Variants in MGAM2 observed in about 807,000 individuals in gnomAD.
The protein encoded by MGAM2 is maltase-glucoamylase 2 (putative).
Under a neutral mutation model 96.1 loss-of-function variants are expected in MGAM2, and 98 were observed. The ratio of observed to expected loss-of-function variants is 1.02; its 90% confidence interval spans 0.87 to 1.21. The LOEUF (loss-of-function observed/expected upper bound fraction) is 1.21, where lower values mean the gene tolerates loss of function less well. Among genes scored for constraint, MGAM2 ranks in the 50% most tolerant of loss-of-function variants. MGAM2 has a pLI of 0.00. For missense variants in MGAM2, 2,055 were observed against 1,182.4 expected (o/e 1.74, Z -10.82); for synonymous variants, 749 against 414.8 (o/e 1.81, Z -9.79).
chr7:142,175,983 G>A (rs1021153204), intron 32 of MGAM2, among the ~76,000 whole-genome samples: 1 of 151,508 alleles, frequency 6.6e-6, no homozygotes, highest in Admixed American at 6.6e-5. Flanking sequence ...ATGAAAAGGG[G>A]CTTTTAAAAG....
chr7:142,163,815 T>A (rs1795957744), intron 23 of MGAM2, among the ~76,000 whole-genome samples: 1 of 152,210 alleles, frequency 6.6e-6, no homozygotes, highest in Admixed American at 6.5e-5. Context: ...TCATTGTGTT[T>A]TTAATTTGTA....
intron 33 of MGAM2, 107 bp downstream of exon 33, chr7:142,183,480 A>T: frequency 1.6e-6 from 1 of 625,392 alleles, no homozygotes; most frequent in Non-Finnish European, 2.9e-6. Flanking sequence ...ATAAATTATG[A>T]ATGAGTAGAA....
chr7:142,185,018 A>G, intron 33 of MGAM2, 59 bp from the exon 34 acceptor site: 1 of 693,560 alleles, frequency 1.4e-6, no homozygotes, highest in Non-Finnish European at 2.6e-6. Flanking sequence ...CACATGAAAT[A>G]TCTCATAGTC....
Position 142,166,238 on chromosome 7 carries a change from G to C in MGAM2, c.2793G>C (p.Arg931=). The C allele has an allele frequency of 1.4e-6, 1 of 700,826 alleles. No individual in the cohort carries two copies. The highest frequency in any genetic ancestry group is 1.5e-5 in the South Asian group (1 of 66,984). 43.4% of individuals were successfully genotyped at this position (700,826 alleles called of 1,614,324 possible). A position where few individuals can be genotyped will look rare whatever the true frequency, so the allele number is the denominator to read the frequency against. Residue 931 remains arginine (R), a synonymous_variant, in exon 25 of 48, where the codon CGG becomes CGC. Transcript: ENST00000477922. The stretch of plus-strand genomic sequence containing the variant: ...CCTCTGAGGAGAGTTGTAGGCAGCG[G>C]GGGTGTCTTTGGGAGGTAAATGACC... ...PTASEESCRQ[R]GCLWEDTSTP... is the part of the protein sequence containing the mutation.
intron 1 of MGAM2, among the ~76,000 whole-genome samples, chr7:142,115,252 A>G (rs1280603244): frequency 6.6e-6 from 1 of 152,226 alleles, no homozygotes; most frequent in Admixed American, 6.5e-5. Context: ...GCGAAAAGTG[A>G]GAGGCACTGT....
intron 46 of MGAM2, among the ~76,000 whole-genome samples, chr7:142,213,860 A>T (rs1000068706): frequency 6.6e-6 from 1 of 152,194 alleles, no homozygotes; most frequent in African/African-American, 2.4e-5. Context: ...GAGACACAAT[A>T]AAAAAAGAAA....
At chr7:142,164,575 C>T (rs1012211071) in intron 23 of MGAM2, among the ~76,000 whole-genome samples, 2 of 152,002 alleles carry the variant, frequency 1.3e-5, no homozygotes, top group Admixed American at 6.6e-5. Context: ...GTACCTATCT[C>T]GTCTGCTTGA....
rs1796596460 is a variant in MGAM2 at position 142,183,295 on chromosome 7, G to A, written c.3846G>A (p.Gln1282=). Residue 1282 remains glutamine (Q), a synonymous_variant, in exon 33 of 48, where the codon CAG becomes CAA. Coordinates refer to ENST00000477922, the MANE Select transcript of MGAM2 (RefSeq NM_001293626.2). The stretch of plus-strand genomic sequence containing the variant: ...CAGCCATTTCTGGCAATGAGACACA[G>A]TATCTCCCATTCATTAGAGGACAGG... ...LDPAISGNET[Q]YLPFIRGQEN... The A allele has an allele frequency of 1.4e-6, 1 of 703,562 alleles. No homozygotes were observed. Among genetic ancestry groups the A allele is most frequent in the Non-Finnish European group, 2.6e-6 (1 of 385,010 alleles). 43.6% of individuals were successfully genotyped at this position (703,562 alleles called of 1,614,324 possible). A position where few individuals can be genotyped will look rare whatever the true frequency, so the allele number is the denominator to read the frequency against.
At chr7:142,168,416 C>T (rs12531255) in intron 26 of MGAM2, among the ~76,000 whole-genome samples, 1 of 152,034 alleles carries the variant, frequency 6.6e-6, no homozygotes, top group Non-Finnish European at 1.5e-5. Context: ...ATTACAGGCA[C>T]CCGCCTCCAC....
At chr7:142,145,458 T>C (rs1286158878) in intron 14 of MGAM2, among the ~76,000 whole-genome samples, 2 of 152,026 alleles carry the variant, frequency 1.3e-5, no homozygotes, top group Non-Finnish European at 2.9e-5. Context: ...AAAGCATCAG[T>C]GGTGCCTTCA....
At chr7:142,198,241 G>A in intron 43 of MGAM2, 46 bp downstream of exon 43, 1 of 691,020 alleles carries the variant, frequency 1.4e-6, no homozygotes, top group Non-Finnish European at 2.6e-6. Context: ...TCTATGCAGG[G>A]TGGAGAGGTG....
At chr7:142,115,743 G>A (rs1817370180) in intron 1 of MGAM2, among the ~76,000 whole-genome samples, 1 of 152,136 alleles carries the variant, frequency 6.6e-6, no homozygotes, top group African/African-American at 2.4e-5. Context: ...TACTCGGGAG[G>A]CTGAGGCAGG....
chr7:142,193,683 A>C (rs1796940530), intron 37 of MGAM2, among the ~76,000 whole-genome samples: 3 of 152,054 alleles, frequency 2.0e-5, no homozygotes, highest in Admixed American at 1.3e-4. Context: ...ATATTTATGC[A>C]TTTACCTCTC....
At chr7:142,165,948 G>C (rs992960738) in intron 24 of MGAM2, 150 bp from the exon 25 acceptor site, 5 of 549,352 alleles carry the variant, frequency 9.1e-6, no homozygotes, top group Non-Finnish European at 1.3e-5. Context: ...GAAAACCCAG[G>C]AATCAGCCAA....
In MGAM2 at chr7:142,196,618, A is replaced by G. The variant is rs1380388297; in HGVS notation, c.4515+19A>G. ...ACCTTATGTAAGTCACATTCAGACCATTACTAATTGCCCAGTCAGATTTTA... is the reference window on the plus strand; with the variant it reads ...ACCTTATGTAAGTCACATTCAGACCGTTACTAATTGCCCAGTCAGATTTTA... On this transcript the variant is annotated intron_variant, in intron 39 of 47. Coordinates refer to ENST00000477922, the MANE Select transcript of MGAM2 (RefSeq NM_001293626.2). 1 of 729,942 alleles carries G rather than the reference A, an allele frequency of 1.4e-6. No individual in the cohort carries two copies. Among genetic ancestry groups the G allele is most frequent in the African/African-American group, 1.7e-5 (1 of 58,302 alleles). The allele number at this position is 729,942 out of a possible 1,614,324, so 45.2% of individuals were successfully genotyped here.
intron 45 of MGAM2, among the ~76,000 whole-genome samples, chr7:142,207,514 C>T (rs1354956484): frequency 1.3e-5 from 2 of 152,082 alleles, no homozygotes; most frequent in African/African-American, 4.8e-5. Context: ...CAAGCTCCGC[C>T]TCCTGGGTTC....
intron 3 of MGAM2, among the ~76,000 whole-genome samples, chr7:142,130,549 C>T (rs944678610): frequency 1.3e-5 from 2 of 152,226 alleles, no homozygotes; most frequent in African/African-American, 4.8e-5. Flanking sequence ...TTACCTTTCA[C>T]TTACCTGGAA....
rs748299647 is a variant in MGAM2 at position 142,183,950 on chromosome 7, C to CTT, written c.3924+616_3924+617dup. ...ACTGCTCTGGATGTATTCCAGGCTC[C>CTT]TTTTTTTTTTTTTTTTTTTTTTTTT... On this transcript the variant is annotated intron_variant, in intron 33 of 47. Coordinates refer to ENST00000477922, the MANE Select transcript of MGAM2 (RefSeq NM_001293626.2). Among the ~76,000 whole-genome samples, 305 of 46,132 alleles carry CTT rather than the reference C, an allele frequency of 6.6e-3. 94 individuals are homozygous for CTT. The highest frequency in any genetic ancestry group is 0.013 in the East Asian group (16 of 1,280). The allele number at this position is 46,132 out of a possible 152,430, so 30.3% of individuals were successfully genotyped here.
At chr7:142,113,765 T>A (rs1817254579) in intron 1 of MGAM2, among the ~76,000 whole-genome samples, 1 of 151,896 alleles carries the variant, frequency 6.6e-6, no homozygotes. Context: ...GTCACATGAG[T>A]GGTGGAGATT....
Sources: gnomAD v4.1 joint callset for allele counts (sites outside exome capture counted in the v4.1 genomes callset) on GRCh38, gnomAD v4.1.1 for gene constraint, MANE v1.5 for transcripts, NCBI Gene and HGNC (gene_info 2026-07-23, HGNC 2026-07-21) for gene names.